REV3L: variants seen among roughly 807,000 people sequenced by gnomAD.
The protein encoded by REV3L is REV3 like, DNA directed polymerase zeta catalytic subunit.
In REV3L, 69 loss-of-function variants were observed where a neutral mutation model predicts 299.4. The ratio of observed to expected loss-of-function variants is 0.23; its 90% confidence interval spans 0.19 to 0.28. The LOEUF is 0.28. Among genes scored for constraint, REV3L ranks in the 10% least tolerant of loss-of-function variants. REV3L has a pLI of 1.00. For missense variants in REV3L, 3,128 were observed against 3,693.8 expected (o/e 0.85, Z 3.97); for synonymous variants, 1,238 against 1,271.4 (o/e 0.97, Z 0.56).
rs1786722498 is a variant in REV3L at position 111,430,200 on chromosome 6, G to A, written c.140-13728C>T. ...TGAGAAGCCTCTCACAAGCACTTTA[G>A]CCAAACAAGAAGAAGTAGAACAGAT... On this transcript the variant is annotated intron_variant, in intron 1 of 31. Coordinates refer to ENST00000368802, the MANE Select transcript of REV3L (RefSeq NM_001372078.1). 3.7e-6 allele frequency: 3 copies of A among 813,472 alleles called. No homozygotes were observed. The South Asian group carries it at 4.0e-5, about 11-fold the overall frequency. The allele number at this position is 813,472 out of a possible 1,614,324, so 50.4% of individuals were successfully genotyped here.
chr6:111,381,737 A>T (rs1035433410), intron 9 of REV3L, among the ~76,000 whole-genome samples: 2 of 152,172 alleles, frequency 1.3e-5, no homozygotes, highest in African/African-American at 4.8e-5. Context: ...GCATATTCAA[A>T]TATATAAAGT....
At chr6:111,483,650 G>C (rs1562387822), upstream of REV3L, 5 of 428,620 alleles carry the variant, frequency 1.2e-5, no homozygotes, top group Admixed American at 2.6e-5. Context: ...CAGCCGCTGA[G>C]ACGGTTTTTC....
intron 1 of REV3L, among the ~76,000 whole-genome samples, chr6:111,417,044 A>C (rs1784848618): frequency 6.6e-6 from 1 of 152,070 alleles, no homozygotes; most frequent in Non-Finnish European, 1.5e-5. Flanking sequence ...ATCAAAACAA[A>C]ATCTCTACAG....
At chr6:111,454,649 T>A (rs147604773) in intron 1 of REV3L, among the ~76,000 whole-genome samples, 2 of 152,190 alleles carry the variant, frequency 1.3e-5, no homozygotes, top group Non-Finnish European at 2.9e-5. Context: ...ATCATGTATT[T>A]GTCCTTCCTT....
intron 31 of REV3L, among the ~76,000 whole-genome samples, chr6:111,306,094 G>A (rs1283065652): frequency 6.6e-6 from 1 of 152,206 alleles, no homozygotes; most frequent in Non-Finnish European, 1.5e-5. Flanking sequence ...AAAGAACTGG[G>A]CCTCTGTCCT....
Position 111,343,921 on chromosome 6 carries a change from G to T in REV3L, c.7538+4C>A. On this transcript the variant is annotated splice_donor_region_variant and intron_variant, in intron 21 of 31. Coordinates refer to ENST00000368802, the MANE Select transcript of REV3L (RefSeq NM_001372078.1). ...TTACCTTCTTCAGAGTTATAGAACA[G>T]TACCTGTATAGATCTGTCTTGTTAT... 6.6e-7 allele frequency: 1 copy of T among 1,519,180 alleles called. No individual in the cohort carries two copies. Among genetic ancestry groups the T allele is most frequent in the Non-Finnish European group, 9.1e-7 (1 of 1,104,598 alleles). The allele number at this position is 1,519,180 out of a possible 1,614,324, so 94.1% of individuals were successfully genotyped here.
chr6:111,303,725 T>A (rs1771930262), intron 31 of REV3L, among the ~76,000 whole-genome samples: 1 of 113,136 alleles, frequency 8.8e-6, no homozygotes, highest in Non-Finnish European at 1.8e-5. Context: ...TTTTTTTTTT[T>A]TTTTTTTTTT....
At chr6:111,391,145 A>G (rs1345756473) in intron 5 of REV3L, among the ~76,000 whole-genome samples, 1 of 150,118 alleles carries the variant, frequency 6.7e-6, no homozygotes, top group African/African-American at 2.5e-5. Flanking sequence ...AGCTCACCTC[A>G]ACCTCCACCT....
rs1300676317 is a variant in REV3L at position 111,313,380 on chromosome 6, C to T, written c.8576G>A (p.Arg2859Lys). 1.2e-5 allele frequency: 19 copies of T among 1,612,954 alleles called. No individual in the cohort carries two copies. The highest frequency in any genetic ancestry group is 1.6e-5 in the Non-Finnish European group (19 of 1,179,702). Residue 2859 changes from arginine (R) to lysine (K), a missense_variant, in exon 28 of 32, where the codon AGA becomes AAA. Arg to Lys is a conservative substitution (Grantham distance 26, BLOSUM62 2). Transcript: ENST00000368802. ...AGAAACAGCAGGGCAGGAATCTCTT[C>T]TGACTGTTTCTATTCCTTTTGCATC... is the stretch of plus-strand genomic sequence containing the variant. ...VFDAKGIETV[R>K]RDSCPAVSKI...
At chr6:111,482,646 G>C (rs1416063501) in intron 1 of REV3L, 104 bp downstream of exon 1, 7 of 662,992 alleles carry the variant, frequency 1.1e-5, no homozygotes, top group Non-Finnish European at 1.4e-5. Context: ...AGCGATCCAC[G>C]GAGACGGCCG....
chr6:111,375,290 T>C lies in REV3L; in HGVS notation c.3065A>G (p.Asp1022Gly). 1 of 1,603,594 alleles carries C rather than the reference T, an allele frequency of 6.2e-7. No homozygotes were observed. ...GGAGTCGGGAACTTTTGGCCAAAAG[T>C]CCTTCAAAGGTGCAAGCTTTTTATA... ...ELYKKLAPLK[D>G]FWPKVPDSPA... is the part of the protein sequence containing the mutation. The change falls in exon 13 of 32, where the codon GAC becomes GGC. Residue 1022 changes from aspartate to glycine, a missense_variant. Coordinates refer to ENST00000368802, the MANE Select transcript of REV3L (RefSeq NM_001372078.1).
intron 30 of REV3L, 81 bp from the exon 31 acceptor site, chr6:111,307,651 T>G: frequency 7.7e-7 from 1 of 1,306,384 alleles, no homozygotes; most frequent in Admixed American, 1.8e-5. Context: ...ACAGGTTTAC[T>G]CAGGCATTCA....
In REV3L at chr6:111,482,974, GGC is replaced by G; in HGVS notation, c.-88_-87del. 1.4e-6 allele frequency: 2 copies of G among 1,399,330 alleles called. No individual in the cohort carries two copies. The highest frequency in any genetic ancestry group is 1.9e-6 in the Non-Finnish European group (2 of 1,076,266). The allele number at this position is 1,399,330 out of a possible 1,614,324, so 86.7% of individuals were successfully genotyped here. The stretch of plus-strand genomic sequence containing the variant: ...CGGCGGCTCCCTCCGCAGCGGCGGC[GGC>G]GCCCCCTCCCCTTCTCGGCACGGCC... On this transcript the variant is annotated 5_prime_UTR_variant, in exon 1 of 32. Transcript: ENST00000368802.
intron 1 of REV3L, among the ~76,000 whole-genome samples, chr6:111,440,568 A>T (rs182150441): frequency 1.3e-5 from 2 of 152,330 alleles, no homozygotes; most frequent in East Asian, 3.9e-4. Context: ...CATTAATTTC[A>T]CTTATCCCTA....
At position 111,373,233 on chromosome 6, in the gene REV3L, T is replaced by C. The variant is rs1253781181; in HGVS notation, c.5122A>G (p.Lys1708Glu). The change falls in exon 13 of 32, where the codon AAG (lysine) becomes GAG (glutamate). Residue 1708 changes from lysine (K) to glutamate (E), a missense_variant. By Grantham distance (56) the Lys-to-Glu change is moderately conservative. Around this residue, in one of 9 missense-constraint regions of REV3L, gnomAD observed 2,409 missense variants for 2,611.8 expected, o/e 0.92. Transcript: ENST00000368802. ...GAGGCTGAGTCTGTGGTATGATGCT[T>C]GTCTTCATCACATTTCTGGTTGTCA... The part of the protein sequence containing the change: ...SHDNQKCDED[K>E]HHTTDSASWI... 1 of 1,614,144 alleles carries C rather than the reference T, an allele frequency of 6.2e-7. No individual in the cohort carries two copies. Among genetic ancestry groups the C allele is most frequent in the Admixed American group, 1.7e-5 (1 of 60,020 alleles).
chr6:111,347,685 T>C (rs1342935223), intron 20 of REV3L, among the ~76,000 whole-genome samples: 1 of 152,182 alleles, frequency 6.6e-6, no homozygotes, highest in Non-Finnish European at 1.5e-5. Context: ...GGTATCTTTG[T>C]TTCTGTTTTG....
At chr6:111,414,058 C>G (rs1281942997) in intron 2 of REV3L, among the ~76,000 whole-genome samples, 2 of 151,952 alleles carry the variant, frequency 1.3e-5, no homozygotes, top group African/African-American at 2.4e-5. Flanking sequence ...TGCTAGTGCA[C>G]TAGCATGCAG....
chr6:111,331,850 T>TA (rs982052977), intron 23 of REV3L, 66 bp from the exon 24 acceptor site: 5 of 1,030,232 alleles, frequency 4.9e-6, no homozygotes, highest in East Asian at 5.0e-5. Flanking sequence ...TTACGCAATT[T>TA]AAAAAATCTT....
chr6:111,318,555 A>G (rs983584909), intron 26 of REV3L, among the ~76,000 whole-genome samples: 4 of 152,160 alleles, frequency 2.6e-5, no homozygotes, highest in South Asian at 2.1e-4. Context: ...TTCAGATGCA[A>G]TGATGAATGC....
Sources: allele counts gnomAD v4.1 joint callset (sites outside exome capture counted in the v4.1 genomes callset), GRCh38; gene constraint gnomAD v4.1.1; regional missense constraint gnomAD v4.1.1; transcripts MANE v1.5; gene names NCBI Gene and HGNC (gene_info 2026-07-23, HGNC 2026-07-21).